Variants in UBE2U observed in about 807,000 individuals in gnomAD.
The protein encoded by UBE2U is ubiquitin conjugating enzyme E2 U.
In UBE2U, 39 loss-of-function variants were observed where a neutral mutation model predicts 41.2. The ratio of observed to expected loss-of-function variants is 0.95; its 90% confidence interval spans 0.73 to 1.24. The LOEUF is 1.24. Ranked by LOEUF, UBE2U falls within the 50% of genes most tolerant of loss-of-function variation. The probability of loss-of-function intolerance (pLI) is 0.00; values close to 1 mark genes in which losing one functional copy is unlikely to be tolerated. For missense variants in UBE2U, 336 were observed against 363.1 expected, an observed-to-expected ratio of 0.93 and a Z score of 0.61; for synonymous variants, 107 against 117.8, an observed-to-expected ratio of 0.91 and a Z score of 0.60.
intron 6 of UBE2U, among the ~76,000 whole-genome samples, chr1:64,226,948 T>C (rs1267854656): frequency 6.6e-6 from 1 of 152,166 alleles, no homozygotes; most frequent in African/African-American, 2.4e-5. Context: ...ATGGGTCTGA[T>C]TATAAGAAAG....
intron 9 of UBE2U, among the ~76,000 whole-genome samples, chr1:64,264,784 C>G (rs1454806621): frequency 1.3e-5 from 2 of 151,942 alleles, no homozygotes; most frequent in Non-Finnish European, 2.9e-5. Context: ...AAAACCCCAT[C>G]CCTACTAAAA....
At chr1:64,208,440 A>G (rs1471432323) in intron 3 of UBE2U, among the ~76,000 whole-genome samples, 1 of 151,764 alleles carries the variant, frequency 6.6e-6, no homozygotes, top group Non-Finnish European at 1.5e-5. Flanking sequence ...ACCTGTCTCT[A>G]CAGAAAATAA....
At chr1:64,206,024 G>A (rs973485810) in intron 2 of UBE2U, among the ~76,000 whole-genome samples, 1 of 151,970 alleles carries the variant, frequency 6.6e-6, no homozygotes, top group African/African-American at 2.4e-5. Context: ...AGAGAATATC[G>A]TCTGCCTTCC....
chr1:64,250,413 A>G (rs1644987326), intron 8 of UBE2U, among the ~76,000 whole-genome samples: 1 of 152,196 alleles, frequency 6.6e-6, no homozygotes, highest in Non-Finnish European at 1.5e-5. Flanking sequence ...TAAGGAAAAC[A>G]TGAATATACA....
chr1:64,236,341 AAT>A (rs558977705), intron 7 of UBE2U, among the ~76,000 whole-genome samples: 302 of 152,300 alleles, frequency 2.0e-3, no homozygotes, highest in Admixed American at 3.1e-3. Flanking sequence ...CTGCCTCCGT[AAT>A]ATGACATCAA....
At chr1:64,245,265 T>G (rs904602385) in intron 8 of UBE2U, among the ~76,000 whole-genome samples, 2 of 152,196 alleles carry the variant, frequency 1.3e-5, no homozygotes, top group African/African-American at 4.8e-5. Context: ...GATACGAATC[T>G]GTAATCTAAT....
At chr1:64,224,738 AT>A (rs1557715891) in intron 6 of UBE2U, among the ~76,000 whole-genome samples, 1 of 150,046 alleles carries the variant, frequency 6.7e-6, no homozygotes, top group Non-Finnish European at 1.5e-5. Context: ...AAAAAAAAAA[AT>A]TAAGTGAAAA....
intron 7 of UBE2U, among the ~76,000 whole-genome samples, chr1:64,237,164 G>A (rs541504581): frequency 6.6e-6 from 1 of 152,096 alleles, no homozygotes. Context: ...CCTTTATGTT[G>A]CTCTATGGTT....
intron 7 of UBE2U, among the ~76,000 whole-genome samples, chr1:64,236,813 G>C (rs1366767498): frequency 6.6e-6 from 1 of 152,186 alleles, no homozygotes; most frequent in African/African-American, 2.4e-5. Context: ...GCAAGAAGCA[G>C]TATCATCTGA....
At chr1:64,260,404 CTTCTA>C (rs1228465246) in intron 8 of UBE2U, among the ~76,000 whole-genome samples, 194 bp from the exon 9 acceptor site, 1 of 152,224 alleles carries the variant, frequency 6.6e-6, no homozygotes, top group African/African-American at 2.4e-5. Flanking sequence ...GCTTTTCCAA[CTTCTA>C]TTCTGTTGGA....
rs1241301742 is a variant in UBE2U, at chr1:64,255,869, A to T, written c.678-4734A>T. ...GATACCATGATCCTATGTCTAGAAA[A>T]CCCCATGGTCTCAGCCCAAAAGCTT... is the stretch of plus-strand genomic sequence containing the variant. On this transcript the variant is annotated intron_variant, in intron 8 of 9. Coordinates refer to ENST00000371077, the MANE Select transcript of UBE2U (RefSeq NM_001366232.2). Among the ~76,000 whole-genome samples, 3 of 152,020 alleles carry T rather than the reference A, an allele frequency of 2.0e-5. No homozygotes were observed. In the East Asian group the frequency reaches 5.8e-4, roughly 29 times the overall value.
chr1:64,211,930 A>C (rs1651687107), intron 4 of UBE2U, among the ~76,000 whole-genome samples: 2 of 152,238 alleles, frequency 1.3e-5, no homozygotes, highest in South Asian at 2.1e-4. Context: ...TGGAATATAA[A>C]ATACTCTGGC....
intron 7 of UBE2U, among the ~76,000 whole-genome samples, chr1:64,236,699 C>G (rs1174352002): frequency 6.6e-6 from 1 of 152,208 alleles, no homozygotes; most frequent in East Asian, 1.9e-4. Flanking sequence ...ACAGACCAAA[C>G]AGCCTGAAGC....
intron 6 of UBE2U, among the ~76,000 whole-genome samples, chr1:64,225,665 G>A (rs1165968916): frequency 1.3e-5 from 2 of 152,344 alleles, no homozygotes; most frequent in East Asian, 1.9e-4. Flanking sequence ...GCATAGGTAT[G>A]GAGGAGGAGA....
chr1:64,241,955 A>T (rs1463471869), intron 8 of UBE2U, among the ~76,000 whole-genome samples: 1 of 152,144 alleles, frequency 6.6e-6, no homozygotes, highest in African/African-American at 2.4e-5. Flanking sequence ...AAAGATGGAG[A>T]TAGGACATGA....
intron 8 of UBE2U, among the ~76,000 whole-genome samples, 183 bp downstream of exon 8, chr1:64,241,916 G>A (rs2100459904): frequency 6.6e-6 from 1 of 152,176 alleles, no homozygotes; most frequent in Non-Finnish European, 1.5e-5. Context: ...AACCCAGGTA[G>A]GAAATATCTT....
chr1:64,231,391 C>T (rs1194871889), intron 6 of UBE2U, among the ~76,000 whole-genome samples: 2 of 152,202 alleles, frequency 1.3e-5, no homozygotes, highest in Admixed American at 1.3e-4. Context: ...TGCAGCCTTT[C>T]ATTTTGTTAC....
At chr1:64,262,568 T>G (rs1221330260) in intron 9 of UBE2U, among the ~76,000 whole-genome samples, 1 of 152,174 alleles carries the variant, frequency 6.6e-6, no homozygotes, top group Non-Finnish European at 1.5e-5. Context: ...GAGGCCTCCC[T>G]CAGCTGCTGA....
At chr1:64,216,994 G>A (rs573755782) in intron 5 of UBE2U, among the ~76,000 whole-genome samples, 4 of 152,242 alleles carry the variant, frequency 2.6e-5, no homozygotes, top group South Asian at 2.1e-4. Flanking sequence ...TTGAACAAAC[G>A]ATTATCTAGC....
Sources: gnomAD v4.1 joint callset for allele counts (sites outside exome capture counted in the v4.1 genomes callset) on GRCh38, gnomAD v4.1.1 for gene constraint, MANE v1.5 for transcripts, NCBI Gene and HGNC (gene_info 2026-07-23, HGNC 2026-07-21) for gene names.